Variants in COL19A1 observed in about 807,000 individuals in gnomAD.
COL19A1 encodes collagen alpha-1(XIX) chain.
Under a neutral mutation model 190.2 loss-of-function variants are expected in COL19A1, and 159 were observed. The ratio of observed to expected loss-of-function variants is 0.84; its 90% confidence interval spans 0.73 to 0.95. The LOEUF (loss-of-function observed/expected upper bound fraction) is 0.95, where lower values mean the gene tolerates loss of function less well. Among genes scored for constraint, COL19A1 ranks in the 40% least tolerant of loss-of-function variants. The pLI is 0.00. For missense variants in COL19A1, 1,418 were observed against 1,431.9 expected (o/e 0.99, Z 0.16); for synonymous variants, 509 against 458.9 (o/e 1.11, Z -1.39).
At chr6:69,938,281 A>C (rs1773241010) in intron 9 of COL19A1, among the ~76,000 whole-genome samples, 181 bp downstream of exon 9, 1 of 152,110 alleles carries the variant, frequency 6.6e-6, no homozygotes, top group Non-Finnish European at 1.5e-5. Flanking sequence ...TCAGCTTTTG[A>C]ATTCATATTG....
rs1435293501 is a variant in COL19A1 at position 70,008,295 on chromosome 6, C to G, written c.1027-15332C>G. Among the ~76,000 whole-genome samples the G allele has an allele frequency of 2.0e-5, 3 of 151,360 alleles. No individual in the cohort carries two copies. The South Asian group carries it at 6.2e-4, about 31-fold the overall frequency. On this transcript the variant is annotated intron_variant, in intron 11 of 50. Coordinates refer to ENST00000620364, the MANE Select transcript of COL19A1 (RefSeq NM_001858.6). ...TCAACAAAATTGGTGAACTTCTAGC[C>G]AGACTGATCAGGAAAAAAAAAGGAA...
intron 15 of COL19A1, among the ~76,000 whole-genome samples, chr6:70,093,012 ATATG>A (rs1444888297): frequency 1.3e-5 from 2 of 152,118 alleles, no homozygotes; most frequent in African/African-American, 4.8e-5. Flanking sequence ...TTATCATTTT[ATATG>A]CATTATTTGT....
chr6:69,950,688 A>C (rs1431855124), intron 9 of COL19A1, among the ~76,000 whole-genome samples: 1 of 150,746 alleles, frequency 6.6e-6, no homozygotes, highest in Non-Finnish European at 1.5e-5. Context: ...ACACACACAC[A>C]CACACACACA....
At chr6:70,002,801 T>G (rs951365553) in intron 11 of COL19A1, among the ~76,000 whole-genome samples, 1 of 148,658 alleles carries the variant, frequency 6.7e-6, no homozygotes, top group Non-Finnish European at 1.5e-5. Context: ...CATGTTGTTG[T>G]TGGTTTTTTT....
chr6:69,868,037 T>C (rs1431320655), intron 1 of COL19A1, among the ~76,000 whole-genome samples: 1 of 151,560 alleles, frequency 6.6e-6, no homozygotes, highest in Non-Finnish European at 1.5e-5. Flanking sequence ...GGATAATCAC[T>C]CTGCTGTAGG....
chr6:70,023,551 C>A, intron 11 of COL19A1, 76 bp from the exon 12 acceptor site: 1 of 1,227,106 alleles, frequency 8.1e-7, no homozygotes, highest in Non-Finnish European at 1.2e-6. Context: ...AAATACCCAA[C>A]CAACATAACT....
At chr6:70,201,506 T>A (rs1172923354) in intron 49 of COL19A1, among the ~76,000 whole-genome samples, 1 of 152,204 alleles carries the variant, frequency 6.6e-6, no homozygotes, top group Admixed American at 6.5e-5. Flanking sequence ...CTGGATGCAA[T>A]TCTTAAACTT....
At chr6:69,893,650 CT>C (rs1769517616) in intron 2 of COL19A1, among the ~76,000 whole-genome samples, 1 of 152,178 alleles carries the variant, frequency 6.6e-6, no homozygotes, top group Admixed American at 6.5e-5. Context: ...CTTGCCATAC[CT>C]TGAAATTGCC....
At chr6:70,155,877 T>C (rs1394296868) in intron 31 of COL19A1, among the ~76,000 whole-genome samples, 1 of 152,188 alleles carries the variant, frequency 6.6e-6, no homozygotes, top group Non-Finnish European at 1.5e-5. Context: ...TTAAGTGTCA[T>C]TGGAGACCTG....
intron 11 of COL19A1, among the ~76,000 whole-genome samples, chr6:70,006,443 T>C (rs1226174207): frequency 2.0e-5 from 3 of 152,136 alleles, no homozygotes; most frequent in Non-Finnish European, 4.4e-5. Context: ...ACACTGCTCT[T>C]CCTTCCTCTC....
intron 2 of COL19A1, among the ~76,000 whole-genome samples, chr6:69,887,903 G>A (rs1261191128): frequency 2.0e-5 from 3 of 152,158 alleles, no homozygotes; most frequent in African/African-American, 7.2e-5. Context: ...AGGGTGTGAA[G>A]TTCCCAAGGC....
chr6:70,067,848 T>A (rs2150149958), intron 14 of COL19A1, among the ~76,000 whole-genome samples: 1 of 152,088 alleles, frequency 6.6e-6, no homozygotes, highest in East Asian at 1.9e-4. Flanking sequence ...TTCAGATTAA[T>A]ACCTGGGATT....
Position 69,901,983 on chromosome 6 carries a change from G to A in COL19A1, c.266+1645G>A, listed in dbSNP as rs7754967. Among the ~76,000 whole-genome samples the A allele has an allele frequency of 7.9e-3, 1,200 of 152,290 alleles. 17 individuals are homozygous for A. The highest frequency in any genetic ancestry group is 0.027 in the African/African-American group (1,113 of 41,550). On this transcript the variant is annotated intron_variant, in intron 4 of 50. Coordinates refer to ENST00000620364, the MANE Select transcript of COL19A1 (RefSeq NM_001858.6). ...GATTATAAATATTAGGCAAGACTTG[G>A]AATTTGTTTTCTGAATTTTGGGTTC...
chr6:70,188,534 A>C (rs1474994983), intron 47 of COL19A1, among the ~76,000 whole-genome samples: 2 of 152,218 alleles, frequency 1.3e-5, no homozygotes, highest in African/African-American at 2.4e-5. Context: ...TCACAGATTT[A>C]TTAAGTGGGT....
intron 12 of COL19A1, among the ~76,000 whole-genome samples, chr6:70,032,355 G>A (rs556430214): frequency 2.6e-5 from 4 of 152,222 alleles, no homozygotes; most frequent in Admixed American, 2.6e-4. Context: ...TGAGAAGAGG[G>A]CTCAGAGAAC....
intron 2 of COL19A1, among the ~76,000 whole-genome samples, chr6:69,897,815 A>G (rs576043982): frequency 2.0e-5 from 3 of 152,314 alleles, no homozygotes; most frequent in East Asian, 3.9e-4. Context: ...AGTAATATCT[A>G]AAAGTACTCA....
chr6:69,892,219 A>G (rs527891594), intron 2 of COL19A1, among the ~76,000 whole-genome samples: 1 of 152,350 alleles, frequency 6.6e-6, no homozygotes, highest in Non-Finnish European at 1.5e-5. Flanking sequence ...TTTGCAGGAT[A>G]ATTGCTCAGA....
intron 14 of COL19A1, among the ~76,000 whole-genome samples, chr6:70,039,181 C>A (rs1779507193): frequency 6.6e-6 from 1 of 152,168 alleles, no homozygotes; most frequent in Non-Finnish European, 1.5e-5. Flanking sequence ...CAGGGAGGGA[C>A]TCAGGCAACA....
chr6:70,182,813 A>C (rs972846313), intron 44 of COL19A1, among the ~76,000 whole-genome samples: 2 of 152,138 alleles, frequency 1.3e-5, no homozygotes, highest in Non-Finnish European at 2.9e-5. Flanking sequence ...TGAGAGAGGA[A>C]AATTTGATGA....
Sources: gnomAD v4.1 joint callset for allele counts (sites outside exome capture counted in the v4.1 genomes callset) on GRCh38, gnomAD v4.1.1 for gene constraint, MANE v1.5 for transcripts, NCBI Gene and HGNC (gene_info 2026-07-23, HGNC 2026-07-21) for gene names.